The following PTPRM variants were observed in gnomAD, a reference collection of about 807,000 sequenced individuals.
The protein encoded by PTPRM is protein tyrosine phosphatase receptor type M.
A neutral mutation model predicts 186.7 loss-of-function variants in PTPRM; 47 were observed. That is an observed-to-expected ratio of 0.25 (90% CI 0.20 to 0.32). PTPRM has a LOEUF of 0.32. PTPRM is among the 10% of genes least tolerant of loss of function. The pLI is 1.00. For missense variants in PTPRM, 1,494 were observed against 1,865.0 expected, an observed-to-expected ratio of 0.80 and a Z score of 3.66; for synonymous variants, 668 against 674.9, an observed-to-expected ratio of 0.99 and a Z score of 0.16.
intron 1 of PTPRM, among the ~76,000 whole-genome samples, chr18:7,732,197 T>A (rs557567967): frequency 3.1e-4 from 47 of 152,130 alleles, no homozygotes; most frequent in Non-Finnish European, 6.2e-4. Context: ...CAATGAAGGT[T>A]CAACATACCT....
At chr18:7,823,199 C>G (rs959699240) in intron 2 of PTPRM, among the ~76,000 whole-genome samples, 1 of 152,214 alleles carries the variant, frequency 6.6e-6, no homozygotes, top group Admixed American at 6.5e-5. Flanking sequence ...AAACTCTCTT[C>G]CCTCCACTCC....
chr18:7,698,073 A>C (rs982335568), intron 1 of PTPRM, among the ~76,000 whole-genome samples: 1 of 152,228 alleles, frequency 6.6e-6, no homozygotes, highest in African/African-American at 2.4e-5. Context: ...ACTGTGGAAG[A>C]CATGAGTGGT....
chr18:8,257,279 A>G (rs2094583509), intron 19 of PTPRM, among the ~76,000 whole-genome samples: 1 of 152,166 alleles, frequency 6.6e-6, no homozygotes, highest in East Asian at 1.9e-4. Flanking sequence ...GGAGTTCTAT[A>G]TGCCTGAGTC....
Position 8,031,256 on chromosome 18 carries a change from C to T in PTPRM, c.1133-38430C>T, listed in dbSNP as rs528699489. Among the ~76,000 whole-genome samples, 9 of 152,238 alleles carry T rather than the reference C, an allele frequency of 5.9e-5. No individual in the cohort carries two copies. In the South Asian group the frequency reaches 1.5e-3, roughly 25 times the overall value. Reference sequence around the variant, plus strand: ...ACTGGAAATTAAGGCTGTAAATTTTCGGGTAGAGATTTCAGTGTTGCTGCA... The same window carrying T: ...ACTGGAAATTAAGGCTGTAAATTTTTGGGTAGAGATTTCAGTGTTGCTGCA... On this transcript the variant is annotated intron_variant, in intron 7 of 32. Transcript: ENST00000580170.
chr18:8,095,474 GAGA>G (rs1352568370), intron 11 of PTPRM, among the ~76,000 whole-genome samples: 1 of 152,106 alleles, frequency 6.6e-6, no homozygotes, highest in African/African-American at 2.4e-5. Context: ...GGTGGGATGG[GAGA>G]AGAAGCAAGG....
chr18:7,591,321 T>G (rs1365641327), intron 1 of PTPRM, among the ~76,000 whole-genome samples: 2 of 152,186 alleles, frequency 1.3e-5, no homozygotes, highest in Admixed American at 1.3e-4. Context: ...TCTACAACCT[T>G]ATTAAGCATT....
intron 3 of PTPRM, among the ~76,000 whole-genome samples, chr18:7,901,919 A>G (rs907213915): frequency 6.6e-6 from 1 of 152,378 alleles, no homozygotes; most frequent in East Asian, 1.9e-4. Context: ...CTTGTACTCA[A>G]GTCCCTTAAC....
chr18:8,313,574 T>A (rs988719556), intron 20 of PTPRM, among the ~76,000 whole-genome samples: 1 of 148,608 alleles, frequency 6.7e-6, no homozygotes, highest in East Asian at 2.0e-4. Context: ...CATCCTTTCT[T>A]TTTTTTTTTT....
chr18:8,201,074 G>A (rs879883026), intron 14 of PTPRM, among the ~76,000 whole-genome samples: 11 of 152,332 alleles, frequency 7.2e-5, no homozygotes, highest in Admixed American at 1.3e-4. Context: ...CCAGCACTTT[G>A]GGAAGCTGAG....
At chr18:8,141,571 C>T (rs1284362517) in intron 13 of PTPRM, among the ~76,000 whole-genome samples, 2 of 152,220 alleles carry the variant, frequency 1.3e-5, no homozygotes, top group East Asian at 3.8e-4. Context: ...CCCTCCTCTA[C>T]TGAGTGTTCA....
At chr18:8,092,920 G>A (rs1349760027) in intron 11 of PTPRM, among the ~76,000 whole-genome samples, 1 of 152,136 alleles carries the variant, frequency 6.6e-6, no homozygotes, top group Non-Finnish European at 1.5e-5. Context: ...GGCTGAGGCT[G>A]GAGGATTGCT....
At chr18:8,153,666 C>T (rs1383400973) in intron 14 of PTPRM, among the ~76,000 whole-genome samples, 5 of 152,086 alleles carry the variant, frequency 3.3e-5, no homozygotes, top group African/African-American at 9.7e-5. Context: ...ATTCTTAAAA[C>T]GTCTAATTGT....
intron 22 of PTPRM, among the ~76,000 whole-genome samples, chr18:8,325,522 T>C (rs2095370382): frequency 6.6e-6 from 1 of 152,244 alleles, no homozygotes; most frequent in African/African-American, 2.4e-5. Context: ...CTGCATAGTA[T>C]TCCATGGTAT....
chr18:8,044,088 A>G (rs1251513443), intron 7 of PTPRM, among the ~76,000 whole-genome samples: 1 of 152,174 alleles, frequency 6.6e-6, no homozygotes, highest in Non-Finnish European at 1.5e-5. Context: ...AGGGGCTAGG[A>G]TCATCCTACA....
At chr18:8,257,479 AT>A (rs921704847) in intron 19 of PTPRM, among the ~76,000 whole-genome samples, 2 of 152,230 alleles carry the variant, frequency 1.3e-5, no homozygotes, top group African/African-American at 4.8e-5. Context: ...ATTTTAAAAT[AT>A]TATTTGTATG....
intron 11 of PTPRM, among the ~76,000 whole-genome samples, chr18:8,107,532 G>A (rs755712427): frequency 3.9e-5 from 6 of 152,258 alleles, no homozygotes; most frequent in Non-Finnish European, 5.9e-5. Flanking sequence ...GTATTGAACC[G>A]AGTATGGGAG....
At chr18:8,048,386 T>G (rs1436094808) in intron 7 of PTPRM, among the ~76,000 whole-genome samples, 1 of 152,050 alleles carries the variant, frequency 6.6e-6, no homozygotes, top group Admixed American at 6.6e-5. Context: ...CGGGTTCATT[T>G]TTTCCATAGC....
chr18:8,044,820 C>A (rs1208253775), intron 7 of PTPRM, among the ~76,000 whole-genome samples: 1 of 149,590 alleles, frequency 6.7e-6, no homozygotes, highest in African/African-American at 2.5e-5. Flanking sequence ...CAACTTTATA[C>A]CCACTAGGAT....
At chr18:7,596,682 C>T (rs2037269952) in intron 1 of PTPRM, among the ~76,000 whole-genome samples, 1 of 152,060 alleles carries the variant, frequency 6.6e-6, no homozygotes, top group Admixed American at 6.6e-5. Flanking sequence ...GTCTTGGAAC[C>T]TATTTTTGGG....
Sources: gnomAD v4.1 joint callset for allele counts (sites outside exome capture counted in the v4.1 genomes callset) on GRCh38, gnomAD v4.1.1 for gene constraint, MANE v1.5 for transcripts, NCBI Gene and HGNC (gene_info 2026-07-23, HGNC 2026-07-21) for gene names.